The following ZNF257 variants were observed in gnomAD, a reference collection of about 807,000 sequenced individuals.
ZNF257 encodes bone marrow zinc finger 4.
In ZNF257, 12 loss-of-function variants were observed where a neutral mutation model predicts 11.9. The observed-to-expected ratio is 1.01, with a 90% CI of 0.65 to 1.63. The LOEUF is 1.63. Ranked by LOEUF, ZNF257 falls within the 40% of genes most tolerant of loss-of-function variation. ZNF257 has a pLI of 0.00. For synonymous variants in ZNF257, 183 were observed against 222.7 expected, an observed-to-expected ratio of 0.82 and a Z score of 1.59; for missense variants, 580 against 665.5, an observed-to-expected ratio of 0.87 and a Z score of 1.41.
chr19:22,074,526 A>G (rs1653072700), intron 3 of ZNF257: 1 of 151,888 alleles, frequency 6.6e-6, no homozygotes, highest in Admixed American at 6.6e-5. Flanking sequence ...TAATTTTTGT[A>G]TTTTTAGTAG....
chr19:22,082,953 G>A (rs890769455), intron 3 of ZNF257, among the ~76,000 whole-genome samples: 1 of 152,030 alleles, frequency 6.6e-6, no homozygotes, highest in African/African-American at 2.4e-5. Context: ...AATTGTCTCT[G>A]TGTTTGTTTG....
chr19:22,077,201 C>T (rs2145708268), intron 3 of ZNF257, among the ~76,000 whole-genome samples: 1 of 152,148 alleles, frequency 6.6e-6, no homozygotes, highest in South Asian at 2.1e-4. Context: ...CACCTGTGGT[C>T]CTAGCTATTT....
intron 1 of ZNF257, 103 bp downstream of exon 1, chr19:22,052,738 C>A (rs1971732029): frequency 1.4e-6 from 2 of 1,384,686 alleles, no homozygotes; most frequent in African/African-American, 1.4e-5. Flanking sequence ...GTCAGCCCTA[C>A]CATCTGCGCC....
intron 1 of ZNF257, among the ~76,000 whole-genome samples, chr19:22,061,785 A>T (rs752353891): frequency 1.3e-5 from 2 of 152,064 alleles, no homozygotes; most frequent in Non-Finnish European, 2.9e-5. Context: ...GTCATAAATA[A>T]TTCATTATTT....
chr19:22,059,489 G>T (rs533184621), intron 1 of ZNF257, among the ~76,000 whole-genome samples: 1 of 152,026 alleles, frequency 6.6e-6, no homozygotes, highest in East Asian at 1.9e-4. Context: ...GTTTCACCAT[G>T]TTGGCCAGGC....
Position 22,088,710 on chromosome 19 carries a change from G to C in ZNF257, c.960G>C (p.Glu320Asp). The change falls in exon 4 of 4, where the codon GAG becomes GAC. Residue 320 changes from glutamate (E) to aspartate (D), a missense_variant. Physicochemically the swap from Glu to Asp is conservative, Grantham distance 45 (BLOSUM62 2). Coordinates refer to ENST00000594947, the MANE Select transcript of ZNF257 (RefSeq NM_033468.4). ...GAGAGAAACCCTACAAATGTGAAGAGTGTGGCAAAGCCTTTAACCAGTCCT... is the reference window on the plus strand; with the variant it reads ...GAGAGAAACCCTACAAATGTGAAGACTGTGGCAAAGCCTTTAACCAGTCCT... The part of the protein sequence containing the change: ...HTGEKPYKCE[E>D]CGKAFNQSSA... 4 of 1,606,182 alleles carry C rather than the reference G, an allele frequency of 2.5e-6. 1 individual carries two copies. The highest frequency in any genetic ancestry group is 3.3e-4 in the Middle Eastern group (2 of 5,996).
At chr19:22,061,621 C>CTT (rs530083108) in intron 1 of ZNF257, among the ~76,000 whole-genome samples, 19,298 of 146,120 alleles carry the variant, frequency 0.13, 1,396 homozygotes, top group South Asian at 0.19. Flanking sequence ...ATTTGGATGC[C>CTT]TTTTTTTTTT....
At chr19:22,069,397 G>A (rs976194550) in intron 1 of ZNF257, among the ~76,000 whole-genome samples, 3 of 151,902 alleles carry the variant, frequency 2.0e-5, no homozygotes, top group Non-Finnish European at 4.4e-5. Flanking sequence ...GGTGGATCAC[G>A]AGGTCAGGAG....
intron 3 of ZNF257, chr19:22,087,654 C>A: frequency 1.0e-6 from 1 of 962,696 alleles, no homozygotes. Flanking sequence ...CAATTTACTT[C>A]TAAGGGCACT....
Position 22,088,020 on chromosome 19 carries a change from C to A in ZNF257, c.270C>A (p.Asp90Glu). The A allele has an allele frequency of 1.9e-6, 3 of 1,559,062 alleles. No homozygotes were observed. The highest frequency in any genetic ancestry group is 1.7e-6 in the Non-Finnish European group (2 of 1,150,980). ...HIAEDLCPER[D>E]IKYFFQKVIL... The stretch of plus-strand genomic sequence containing the variant: ...CTGAAGACCTTTGCCCAGAGCGAGA[C>A]ATAAAATATTTTTTCCAAAAAGTCA... Residue 90 changes from aspartate to glutamate, a missense_variant, in exon 4 of 4, where the codon GAC becomes GAA. By Grantham distance (45) the Asp-to-Glu change is conservative. Coordinates refer to ENST00000594947, the MANE Select transcript of ZNF257 (RefSeq NM_033468.4).
chr19:22,088,270 A>G lies in ZNF257; in HGVS notation c.520A>G (p.Lys174Glu). 6.2e-7 allele frequency: 1 copy of G among 1,613,576 alleles called. No homozygotes were observed. Among genetic ancestry groups the G allele is most frequent in the Non-Finnish European group, 8.5e-7 (1 of 1,179,744 alleles). ...AAGACATACTGAAAAGAAAACTTGC[A>G]AATGTAAAGAATGTGGCAAATCATT... is the stretch of plus-strand genomic sequence containing the variant. ...KIRHTEKKTC[K>E]CKECGKSFCM... Residue 174 changes from lysine to glutamate, a missense_variant, in exon 4 of 4, where the codon AAA becomes GAA. Transcript: ENST00000594947.
At chr19:22,075,965 T>C (rs1013549207) in intron 3 of ZNF257, 3 of 152,160 alleles carry the variant, frequency 2.0e-5, no homozygotes, top group Non-Finnish European at 4.4e-5. Flanking sequence ...TCTATCTTAT[T>C]AATGTCACCC....
chr19:22,055,803 C>T (rs1199419976), intron 1 of ZNF257, among the ~76,000 whole-genome samples: 2 of 152,028 alleles, frequency 1.3e-5, no homozygotes, highest in East Asian at 3.9e-4. Flanking sequence ...CGGTGGCTCA[C>T]GCCTGTAATC....
At position 22,089,963 on chromosome 19, in the gene ZNF257, C is replaced by T. The variant is rs1487130251; in HGVS notation, c.*521C>T. 1 of 155,098 alleles carries T rather than the reference C, an allele frequency of 6.4e-6. No homozygotes were observed. Among genetic ancestry groups the T allele is most frequent in the Admixed American group, 6.3e-5 (1 of 15,864 alleles). 9.6% of individuals were successfully genotyped at this position (155,098 alleles called of 1,614,324 possible). On this transcript the variant is annotated 3_prime_UTR_variant, in exon 4 of 4. Transcript: ENST00000594947. The stretch of plus-strand genomic sequence containing the variant: ...TGCGAAACTCTAGAAATATAAAGAA[C>T]ATGAAAAACTTTTAAATGGTTTTCA...
At chr19:22,074,982 CTG>C (rs1490971615) in intron 3 of ZNF257, among the ~76,000 whole-genome samples, 1 of 152,170 alleles carries the variant, frequency 6.6e-6, no homozygotes, top group Non-Finnish European at 1.5e-5. Context: ...CATTTGGTGT[CTG>C]TGAATTTGAA....
At chr19:22,077,243 T>C (rs892598146) in intron 3 of ZNF257, among the ~76,000 whole-genome samples, 12 of 152,210 alleles carry the variant, frequency 7.9e-5, no homozygotes, top group Admixed American at 7.9e-4. Context: ...TACTTGAGCC[T>C]GGGAGTTTGA....
At chr19:22,053,366 CAAAAAAAAAAAAAAAAA>C (rs61426953) in intron 1 of ZNF257, among the ~76,000 whole-genome samples, 5 of 76,484 alleles carry the variant, frequency 6.5e-5, no homozygotes, top group Admixed American at 2.0e-4. Flanking sequence ...GACTCCGTCT[CAAAAAAAAAAAAAAAAA>C]AAAAAAAAAA....
chr19:22,088,154 A>G lies in ZNF257; in HGVS notation c.404A>G (p.Gln135Arg). The G allele has an allele frequency of 1.2e-6, 2 of 1,609,124 alleles. No individual in the cohort carries two copies. The highest frequency in any genetic ancestry group is 2.2e-5 in the South Asian group (2 of 90,582). ...AAAGGAGGTTATAATGGACTTAACC[A>G]ATGTCTGATAACTACCCAGAGCAAA... is the stretch of plus-strand genomic sequence containing the variant. Reference protein sequence around the residue: ...VCKGGYNGLNQCLITTQSKMY... With the variant: ...VCKGGYNGLNRCLITTQSKMY... The change falls in exon 4 of 4, where the codon CAA (glutamine) becomes CGA (arginine). Residue 135 changes from glutamine to arginine, a missense_variant. By Grantham distance (43) the Gln-to-Arg change is conservative. Transcript: ENST00000594947.
At chr19:22,087,477 C>T (rs1208645930) in intron 3 of ZNF257, 2 of 899,808 alleles carry the variant, frequency 2.2e-6, no homozygotes, top group Non-Finnish European at 2.9e-6. Context: ...TAACATTTAC[C>T]TTTGGTCTCA....
Sources: gnomAD v4.1 joint callset for allele counts (sites outside exome capture counted in the v4.1 genomes callset) on GRCh38, gnomAD v4.1.1 for gene constraint, MANE v1.5 for transcripts, NCBI Gene and HGNC (gene_info 2026-07-23, HGNC 2026-07-21) for gene names.